The following PALM variants were observed in gnomAD, a reference collection of about 807,000 sequenced individuals.
The protein encoded by PALM is paralemmin-1.
A neutral mutation model predicts 30.7 loss-of-function variants in PALM; 18 were observed. The observed-to-expected ratio is 0.59, with a 90% CI of 0.41 to 0.87. The LOEUF (loss-of-function observed/expected upper bound fraction) is 0.87, where lower values mean the gene tolerates loss of function less well. Ranked by LOEUF, PALM falls within the 40% of genes least tolerant of loss-of-function variation. PALM has a pLI of 0.00. For missense variants in PALM, 529 were observed against 555.4 expected, an observed-to-expected ratio of 0.95 and a Z score of 0.48; for synonymous variants, 286 against 242.8, an observed-to-expected ratio of 1.18 and a Z score of -1.66.
At chr19:740,528 C>T (rs2033157900) in intron 8 of PALM, 45 bp downstream of exon 8, 2 of 1,519,838 alleles carry the variant, frequency 1.3e-6, no homozygotes, top group Non-Finnish European at 1.8e-6. Flanking sequence ...TGGGCCAGAG[C>T]CCCGAACACG....
At chr19:744,885 C>A (rs558509755) in intron 8 of PALM, among the ~76,000 whole-genome samples, 213 of 100,108 alleles carry the variant, frequency 2.1e-3, no homozygotes, top group African/African-American at 6.4e-3. Flanking sequence ...CAGAGGGAGT[C>A]AAAAAAAAAA....
rs538060937 is a variant in PALM at position 746,789 on chromosome 19, G to A, written c.1139G>A (p.Arg380His). Residue 380 changes from arginine (R) to histidine (H), a missense_variant, in exon 9 of 9, where the codon CGT becomes CAT. By Grantham distance (29) the Arg-to-His change is conservative (BLOSUM62 0). Transcript: ENST00000338448. This position sits in a 1 kb window ranked among gnomAD's most constrained non-coding sequence, Gnocchi z 7.1. ...CAGGACCTCGACATGAAGAAGCACC[G>A]TTGTAAATGCTGCTCCATCATGTGA... is the stretch of plus-strand genomic sequence containing the variant. ...DPQDLDMKKHRCKCCSIM is the reference protein window; with the variant it reads ...DPQDLDMKKHHCKCCSIM The A allele has an allele frequency of 2.1e-5, 33 of 1,568,994 alleles. No individual in the cohort carries two copies. Among genetic ancestry groups the A allele is most frequent in the South Asian group, 1.3e-4 (11 of 87,376 alleles).
At chr19:727,940 C>G (rs1046090357) in intron 4 of PALM, 52 of 482,214 alleles carry the variant, frequency 1.1e-4, no homozygotes, top group African/African-American at 9.7e-4. Flanking sequence ...CAGGGAGATA[C>G]CCCTTTCCCT....
intron 1 of PALM, among the ~76,000 whole-genome samples, chr19:721,285 A>G (rs1003118574): frequency 1.9e-4 from 29 of 151,902 alleles, no homozygotes; most frequent in Admixed American, 2.6e-4. Flanking sequence ...TGTTATTTTG[A>G]GATAGGGTTT....
rs2033221807 is a variant in PALM at position 742,489 on chromosome 19, C to A, written c.634+2006C>A. On this transcript the variant is annotated intron_variant, in intron 8 of 8. Coordinates refer to ENST00000338448, the MANE Select transcript of PALM (RefSeq NM_002579.3). The surrounding 1 kb of genome is among the most constrained non-coding windows in gnomAD (Gnocchi z 5.5). ...ACGTGGTGGCGGACGCCTGTAATCC[C>A]AGATACTTTGGAGGCTGAAGCAGGA... is the stretch of plus-strand genomic sequence containing the variant. Among the ~76,000 whole-genome samples the A allele has an allele frequency of 6.6e-6, 1 of 151,920 alleles. No individual in the cohort carries two copies. The highest frequency in any genetic ancestry group is 2.1e-4 in the South Asian group (1 of 4,824).
At chr19:716,396 C>T (rs959034788) in intron 1 of PALM, among the ~76,000 whole-genome samples, 1 of 147,752 alleles carries the variant, frequency 6.8e-6, no homozygotes, top group African/African-American at 2.5e-5. Flanking sequence ...GGTGACAGAG[C>T]GAGACTCTTT....
chr19:727,147 C>G, intron 3 of PALM, 59 bp downstream of exon 3: 1 of 1,165,854 alleles, frequency 8.6e-7, no homozygotes, highest in Non-Finnish European at 1.3e-6. Context: ...GGCGGAGGCC[C>G]CGGACTCCTG....
At chr19:721,923 A>G (rs1189232068) in intron 1 of PALM, among the ~76,000 whole-genome samples, 2 of 143,386 alleles carry the variant, frequency 1.4e-5, no homozygotes, top group African/African-American at 5.2e-5. Context: ...TCATTTTTTT[A>G]ATATATATTT....
At chr19:739,738 G>A (rs1300269105) in intron 7 of PALM, among the ~76,000 whole-genome samples, 1 of 152,122 alleles carries the variant, frequency 6.6e-6, no homozygotes, top group Non-Finnish European at 1.5e-5. Flanking sequence ...CACTTTGGGA[G>A]GCCAAGGCAG....
At chr19:740,623 G>A (rs2033160948) in intron 8 of PALM, 140 bp downstream of exon 8, 1 of 817,924 alleles carries the variant, frequency 1.2e-6, no homozygotes. Flanking sequence ...TTCAGGCCAG[G>A]GCCTCACCCC....
chr19:736,395 C>A (rs111840187), intron 7 of PALM, among the ~76,000 whole-genome samples: 96 of 152,188 alleles, frequency 6.3e-4, no homozygotes, highest in African/African-American at 2.2e-3. Context: ...CTGGGGCCCG[C>A]TGGGGGTGGC....
At chr19:733,663 G>A (rs1465786385) in intron 5 of PALM, among the ~76,000 whole-genome samples, 2 of 152,210 alleles carry the variant, frequency 1.3e-5, no homozygotes, top group Non-Finnish European at 2.9e-5. Context: ...TGCGGGAGCC[G>A]CTGATGCGGG....
intron 1 of PALM, among the ~76,000 whole-genome samples, chr19:723,085 G>A (rs1398234127): frequency 6.6e-6 from 1 of 152,150 alleles, no homozygotes; most frequent in Non-Finnish European, 1.5e-5. Flanking sequence ...GCGGGGCTGG[G>A]GGTGAGCCAG....
intron 1 of PALM, among the ~76,000 whole-genome samples, chr19:718,656 A>G (rs1318343302): frequency 6.6e-6 from 1 of 151,712 alleles, no homozygotes. Context: ...TAACCCGTTT[A>G]GGGTTCTCGG....
At chr19:744,901 C>T (rs201228077) in intron 8 of PALM, among the ~76,000 whole-genome samples, 10,793 of 146,324 alleles carry the variant, frequency 0.074, 486 homozygotes, top group South Asian at 0.17. Flanking sequence ...AAAAAAGCAG[C>T]AGGCACGGTG....
At chr19:737,763 G>A (rs948362500) in intron 7 of PALM, among the ~76,000 whole-genome samples, 1 of 152,172 alleles carries the variant, frequency 6.6e-6, no homozygotes, top group Non-Finnish European at 1.5e-5. Flanking sequence ...CAGGAGATCC[G>A]TGTGGCTGGA....
intron 3 of PALM, among the ~76,000 whole-genome samples, chr19:727,338 G>A (rs2032718514): frequency 6.9e-6 from 1 of 143,888 alleles, no homozygotes; most frequent in Non-Finnish European, 1.5e-5. Context: ...CTCTGACCCT[G>A]ACCTGACCCC....
Position 709,910 on chromosome 19 carries a change from G to T in PALM, c.5+759G>T, listed in dbSNP as rs1488052250. 7.3e-6 allele frequency among the ~76,000 whole-genome samples: 1 copy of T among 137,060 alleles called. No homozygotes were observed. The allele number at this position is 137,060 out of a possible 152,430, so 89.9% of individuals were successfully genotyped here. The stretch of plus-strand genomic sequence containing the variant: ...CCCCCGCATGGCTGCGCCTGTGTGT[G>T]TGGGGGGGGGGTGGCCAGTGGAGGC... On this transcript the variant is annotated intron_variant, in intron 1 of 8. Transcript: ENST00000338448. This position sits in a 1 kb window ranked among gnomAD's most constrained non-coding sequence, Gnocchi z 4.3.
chr19:713,100 G>A (rs780562427), intron 1 of PALM, among the ~76,000 whole-genome samples: 2 of 152,200 alleles, frequency 1.3e-5, no homozygotes, highest in Admixed American at 6.5e-5. Context: ...TGGGTGGGCC[G>A]AGCATGCTCT....
Sources: allele counts gnomAD v4.1 joint callset (sites outside exome capture counted in the v4.1 genomes callset), GRCh38; gene constraint gnomAD v4.1.1; non-coding constraint Gnocchi (gnomAD v3.1); transcripts MANE v1.5; gene names NCBI Gene and HGNC (gene_info 2026-07-23, HGNC 2026-07-21).